TLN2: variants seen among roughly 807,000 people sequenced by gnomAD.
The protein encoded by TLN2 is talin 2, also known as talin-2.
Under a neutral mutation model 294.7 loss-of-function variants are expected in TLN2, and 118 were observed. The ratio of observed to expected loss-of-function variants is 0.40; its 90% confidence interval spans 0.34 to 0.47. The LOEUF (loss-of-function observed/expected upper bound fraction) is 0.47, where lower values mean the gene tolerates loss of function less well. Among genes scored for constraint, TLN2 ranks in the 20% least tolerant of loss-of-function variants. The pLI, the probability that TLN2 is intolerant of heterozygous loss-of-function variation, is 0.84. For synonymous variants in TLN2, 1,431 were observed against 1,304.5 expected, an observed-to-expected ratio of 1.10 and a Z score of -2.09; for missense variants, 3,083 against 3,282.2, an observed-to-expected ratio of 0.94 and a Z score of 1.48.
Position 62,472,491 on chromosome 15 carries a change from G to A in TLN2, c.-238+81806G>A, listed in dbSNP as rs143911600. 4.0e-3 allele frequency among the ~76,000 whole-genome samples: 608 copies of A among 152,308 alleles called. 5 individuals are homozygous for A. Among genetic ancestry groups the A allele is most frequent in the Admixed American group, 7.4e-3 (114 of 15,304 alleles). ...GAGGACTCAAGTAGGCACTTCTCCC[G>A]TGCTTCAGCCCTGCACTGAGTATGG... On this transcript the variant is annotated intron_variant, in intron 1 of 58. Transcript: ENST00000636159.
Position 62,450,539 on chromosome 15 carries a change from ATGTATGTATGTGTGTGTG to A in TLN2, c.-238+59858_-238+59875del, listed in dbSNP as rs1332866804. ...TATGTATGTATGTATGTATGTATGT[ATGTATGTATGTGTGTGTG>A]TGTGTGTGTGTGTGTGTCTGTGTGT... On this transcript the variant is annotated intron_variant, in intron 1 of 58. Coordinates refer to ENST00000636159, the MANE Select transcript of TLN2 (RefSeq NM_015059.3). 9.8e-4 allele frequency among the ~76,000 whole-genome samples: 61 copies of A among 62,138 alleles called. No individual in the cohort carries two copies. In the East Asian group the frequency reaches 0.12, roughly 119 times the overall value. The allele number at this position is 62,138 out of a possible 152,430, so 40.8% of individuals were successfully genotyped here.
chr15:62,451,917 T>C (rs2036176290), intron 1 of TLN2, among the ~76,000 whole-genome samples: 1 of 152,234 alleles, frequency 6.6e-6, no homozygotes, highest in Admixed American at 6.5e-5. Flanking sequence ...CGTATATTTA[T>C]GTGACCTGAT....
rs1555430340 is a variant in TLN2, at chr15:62,562,939, C to CAG, written c.-237-26747_-237-26746insGA. Among the ~76,000 whole-genome samples the CAG allele has an allele frequency of 2.5e-3, 369 of 149,438 alleles. 3 individuals carry two copies. The highest frequency in any genetic ancestry group is 8.8e-3 in the African/African-American group (356 of 40,672). On this transcript the variant is annotated intron_variant, in intron 1 of 58. Coordinates refer to ENST00000636159, the MANE Select transcript of TLN2 (RefSeq NM_015059.3). ...ACACACACACACACACACACACACA[C>CAG]ACACACACACACACACACACACACA...
intron 32 of TLN2, among the ~76,000 whole-genome samples, chr15:62,744,814 G>T (rs2061528893): frequency 6.6e-6 from 1 of 152,148 alleles, no homozygotes; most frequent in Non-Finnish European, 1.5e-5. Context: ...CCAAAGTGCT[G>T]GGATTCTAGG....
At chr15:62,414,530 C>T (rs979423899) in intron 1 of TLN2, among the ~76,000 whole-genome samples, 1 of 140,304 alleles carries the variant, frequency 7.1e-6, no homozygotes, top group Non-Finnish European at 1.5e-5. Context: ...CTGAACCATA[C>T]GCTCTGGGCT....
intron 41 of TLN2, among the ~76,000 whole-genome samples, chr15:62,768,234 C>G (rs2063139474): frequency 6.6e-6 from 1 of 152,222 alleles, no homozygotes; most frequent in Admixed American, 6.5e-5. Context: ...AATTTATTCT[C>G]TCATCCAAGG....
chr15:62,691,525 C>G (rs1421760408), intron 12 of TLN2, among the ~76,000 whole-genome samples: 2 of 152,128 alleles, frequency 1.3e-5, no homozygotes, highest in Admixed American at 6.5e-5. Context: ...ATTGGTGAAG[C>G]ATTTTTATGA....
chr15:62,597,184 A>G (rs1395945100), intron 2 of TLN2, among the ~76,000 whole-genome samples: 1 of 152,106 alleles, frequency 6.6e-6, no homozygotes, highest in African/African-American at 2.4e-5. Flanking sequence ...TCCCACCAAC[A>G]TGCTCCCAGT....
At chr15:62,751,894 T>C (rs1005193202) in intron 34 of TLN2, among the ~76,000 whole-genome samples, 6 of 152,242 alleles carry the variant, frequency 3.9e-5, no homozygotes, top group African/African-American at 1.4e-4. Flanking sequence ...ATTTAAATTT[T>C]ACTGTCAGTA....
At chr15:62,473,859 C>T (rs901986426) in intron 1 of TLN2, among the ~76,000 whole-genome samples, 4 of 152,048 alleles carry the variant, frequency 2.6e-5, no homozygotes, top group African/African-American at 9.7e-5. Flanking sequence ...TTTGGGAGGC[C>T]GAGGCAGGTG....
chr15:62,686,530 C>T, intron 11 of TLN2, 111 bp from the exon 12 acceptor site: 1 of 1,298,436 alleles, frequency 7.7e-7, no homozygotes, highest in Non-Finnish European at 1.0e-6. Flanking sequence ...ATAGCCCTAC[C>T]TGTTTTGAAA....
chr15:62,797,425 G>A (rs768944618), intron 48 of TLN2, 23 bp downstream of exon 48: 1 of 1,568,272 alleles, frequency 6.4e-7, no homozygotes, highest in South Asian at 1.2e-5. Context: ...CCTGGGGAGT[G>A]CGTCCTCCCG....
At chr15:62,698,994 A>G (rs984823924) in intron 16 of TLN2, 127 bp downstream of exon 16, 2 of 891,840 alleles carry the variant, frequency 2.2e-6, no homozygotes, top group South Asian at 1.6e-5. Flanking sequence ...TGATTTTTTC[A>G]GGATATTGAG....
At chr15:62,398,304 A>G (rs1380256926) in intron 1 of TLN2, among the ~76,000 whole-genome samples, 2 of 152,030 alleles carry the variant, frequency 1.3e-5, no homozygotes, top group African/African-American at 4.8e-5. Context: ...TTTCCCTTCC[A>G]CCATGTTTGT....
At chr15:62,413,040 G>A (rs1000464520) in intron 1 of TLN2, among the ~76,000 whole-genome samples, 25 of 152,162 alleles carry the variant, frequency 1.6e-4, no homozygotes, top group Non-Finnish European at 2.9e-4. Context: ...GGAAGAGGGA[G>A]CGATGTGCCC....
At chr15:62,543,002 G>A (rs2041787395) in intron 1 of TLN2, among the ~76,000 whole-genome samples, 1 of 152,150 alleles carries the variant, frequency 6.6e-6, no homozygotes, top group African/African-American at 2.4e-5. Context: ...CCTAGGATAT[G>A]TGACCTAGGA....
intron 1 of TLN2, among the ~76,000 whole-genome samples, chr15:62,473,469 A>G (rs967712051): frequency 2.0e-5 from 3 of 152,212 alleles, no homozygotes; most frequent in African/African-American, 7.2e-5. Context: ...ATACCTTAGA[A>G]GTCCTTCCCA....
At chr15:62,422,556 A>T (rs974973639) in intron 1 of TLN2, among the ~76,000 whole-genome samples, 1 of 152,198 alleles carries the variant, frequency 6.6e-6, no homozygotes, top group Non-Finnish European at 1.5e-5. Flanking sequence ...TTTTCAGACC[A>T]AGACAGAGTT....
intron 1 of TLN2, among the ~76,000 whole-genome samples, chr15:62,532,053 C>CTTTTCTT (rs1555424289): frequency 0.018 from 2,599 of 144,792 alleles, 82 homozygotes; most frequent in African/African-American, 0.062. Context: ...TTTCTCTTTT[C>CTTTTCTT]TTTTTTTTTT....
Sources: allele counts gnomAD v4.1 joint callset (sites outside exome capture counted in the v4.1 genomes callset), GRCh38; gene constraint gnomAD v4.1.1; transcripts MANE v1.5; gene names NCBI Gene and HGNC (gene_info 2026-07-23, HGNC 2026-07-21).